Variants in SRPRA observed in about 807,000 individuals in gnomAD.
SRPRA encodes the protein SRP receptor subunit alpha.
In SRPRA, 30 loss-of-function variants were observed where a neutral mutation model predicts 61.1. The ratio of observed to expected loss-of-function variants is 0.49; its 90% CI spans 0.37 to 0.67. The LOEUF (loss-of-function observed/expected upper bound fraction) is 0.67. Among genes scored for constraint, SRPRA ranks in the 30% least tolerant of loss-of-function variants. The pLI is 0.00. For missense variants in SRPRA, 759 were observed against 828.4 expected (o/e 0.92, Z 1.03); for synonymous variants, 324 against 299.7 (o/e 1.08, Z -0.84).
At chr11:126,262,243 T>C (rs755486902), downstream of SRPRA, 186 of 1,228,654 alleles carry the variant, frequency 1.5e-4, no homozygotes, top group Middle Eastern at 3.8e-4. Context: ...AAAGTAACAA[T>C]AGCCAGAGGT....
the SRPRA span, among the ~76,000 whole-genome samples, chr11:126,241,627 G>A: frequency 6.6e-6 from 1 of 151,878 alleles, no homozygotes; most frequent in South Asian, 2.1e-4. Context: ...TCGCCTCATG[G>A]CAGCCTCCGC....
rs1333651957 is a variant in SRPRA at position 126,263,823 on chromosome 11, A to C, written c.*93T>G. ...TCACTCTGCCTTTGTACTACACTGAAGACAGGTTGCTCACATACTCTAAAG... is the reference window on the plus strand; with the variant it reads ...TCACTCTGCCTTTGTACTACACTGACGACAGGTTGCTCACATACTCTAAAG... On this transcript the variant is annotated 3_prime_UTR_variant, in exon 14 of 14. Coordinates refer to ENST00000332118, the MANE Select transcript of SRPRA (RefSeq NM_003139.4). The C allele has an allele frequency of 9.1e-6, 14 of 1,546,274 alleles. No individual in the cohort carries two copies. The highest frequency in any genetic ancestry group is 1.0e-5 in the Non-Finnish European group (12 of 1,143,108).
chr11:126,267,775 C>A lies in SRPRA; in HGVS notation c.202-63G>T. On this transcript the variant is annotated intron_variant, in intron 2 of 13. Coordinates refer to ENST00000332118, the MANE Select transcript of SRPRA (RefSeq NM_003139.4). The surrounding 1 kb of genome is among the most constrained non-coding windows in gnomAD (Gnocchi z 4.2). ...ATACTAGCCTAGAATGGAGGGACGCCAACTCAACCCTGGCTTTCAGAGATA... is the reference window on the plus strand; with the variant it reads ...ATACTAGCCTAGAATGGAGGGACGCAAACTCAACCCTGGCTTTCAGAGATA... 6.3e-7 allele frequency: 1 copy of A among 1,594,132 alleles called. No individual in the cohort carries two copies. Among genetic ancestry groups the A allele is most frequent in the African/African-American group, 1.3e-5 (1 of 74,610 alleles).
the SRPRA span, among the ~76,000 whole-genome samples, chr11:126,247,855 C>T: frequency 7.9e-6 from 1 of 127,052 alleles, no homozygotes; most frequent in Non-Finnish European, 1.6e-5. Flanking sequence ...GAGACTCCAT[C>T]TCAAAAAAAA....
downstream of SRPRA, chr11:126,262,180 A>G (rs766459838): frequency 1.9e-5 from 31 of 1,598,296 alleles, no homozygotes; most frequent in Non-Finnish European, 2.5e-5. Context: ...GTAAGGCCCT[A>G]CTACAGACAG....
downstream of SRPRA, chr11:126,262,076 G>C: frequency 6.2e-7 from 1 of 1,611,984 alleles, no homozygotes; most frequent in Non-Finnish European, 8.5e-7. Context: ...GTATAAACCT[G>C]TTTTGTGAAA....
At chr11:126,261,490 C>T (rs771780788), downstream of SRPRA, 5 of 1,609,776 alleles carry the variant, frequency 3.1e-6, no homozygotes, top group East Asian at 8.9e-5. Context: ...AAGAGGTATA[C>T]TGTTTCCTAT....
chr11:126,244,416 A>G, the SRPRA span, among the ~76,000 whole-genome samples: 1 of 152,246 alleles, frequency 6.6e-6, no homozygotes, highest in African/African-American at 2.4e-5. This position sits in a 1 kb window ranked among gnomAD's most constrained non-coding sequence, Gnocchi z 4.5. Context: ...TAGTATTTTT[A>G]TACACTTGCA....
chr11:126,260,022 TTTTTA>T (rs1292437571), downstream of SRPRA, among the ~76,000 whole-genome samples: 13 of 152,028 alleles, frequency 8.6e-5, no homozygotes, highest in Non-Finnish European at 1.8e-4. Flanking sequence ...GCCAGCTTTA[TTTTTA>T]TTTTATTATT....
At chr11:126,266,455 T>C (rs1950811942) in intron 6 of SRPRA, 21 bp downstream of exon 6, 2 of 1,609,932 alleles carry the variant, frequency 1.2e-6, no homozygotes, top group East Asian at 2.2e-5. Flanking sequence ...AAAGATCACT[T>C]TGACCCCTGT....
chr11:126,264,207 T>C lies in SRPRA; in HGVS notation c.1772A>G (p.Asp591Gly). 1 of 1,614,070 alleles carries C rather than the reference T, an allele frequency of 6.2e-7. No homozygotes were observed. Among genetic ancestry groups the C allele is most frequent in the Non-Finnish European group, 8.5e-7 (1 of 1,179,998 alleles). ...CACGTTTACCTTGTCATCAATGGTA[T>C]CAAATTTGGTAAGAACAATGCCATC... ...LIDGIVLTKF[D>G]TIDDKVGAAI... Residue 591 changes from aspartate (D) to glycine (G), a missense_variant, in exon 13 of 14, where the codon GAT becomes GGT. Around this residue, in one of 2 missense-constraint regions of SRPRA, gnomAD observed 284 missense variants for 365.9 expected, o/e 0.78. Coordinates refer to ENST00000332118, the MANE Select transcript of SRPRA (RefSeq NM_003139.4). This position sits in a 1 kb window ranked among gnomAD's most constrained non-coding sequence, Gnocchi z 5.0.
At chr11:126,241,208 T>G in the SRPRA span, 9 of 677,386 alleles carry the variant, frequency 1.3e-5, no homozygotes, top group East Asian at 2.4e-4. Context: ...AATGTCTGTT[T>G]ATGGACCCTA....
rs559558856 is a variant in SRPRA, at chr11:126,267,532, G to A, written c.365+17C>T. Reference sequence around the variant, plus strand: ...ATCATGGAAATAAATTGATTTTAGAGAAGGCAGGTCTCTCACCGAAGGAGC... The same window carrying A: ...ATCATGGAAATAAATTGATTTTAGAAAAGGCAGGTCTCTCACCGAAGGAGC... On this transcript the variant is annotated intron_variant, in intron 3 of 13. Transcript: ENST00000332118. This position sits in a 1 kb window ranked among gnomAD's most constrained non-coding sequence, Gnocchi z 4.2. 1 of 1,613,046 alleles carries A rather than the reference G, an allele frequency of 6.2e-7. No individual in the cohort carries two copies. Among genetic ancestry groups the A allele is most frequent in the East Asian group, 2.2e-5 (1 of 44,872 alleles).
chr11:126,256,760 G>C, the SRPRA span: 93 of 1,613,902 alleles, frequency 5.8e-5, no homozygotes, highest in Admixed American at 2.0e-4. The surrounding 1 kb of genome is among the most constrained non-coding windows in gnomAD (Gnocchi z 6.6). Flanking sequence ...CTGGACAAGG[G>C]GATTAAAGTC....
At chr11:126,236,103 C>A in the SRPRA span, among the ~76,000 whole-genome samples, 1 of 152,182 alleles carries the variant, frequency 6.6e-6, no homozygotes, top group South Asian at 2.1e-4. Flanking sequence ...TTCTCCAGTC[C>A]TGTTGCGTTC....
chr11:126,265,545 T>C lies in SRPRA; in HGVS notation c.1139-105A>G. On this transcript the variant is annotated intron_variant, in intron 9 of 13. Coordinates refer to ENST00000332118, the MANE Select transcript of SRPRA (RefSeq NM_003139.4). The surrounding 1 kb of genome is among the most constrained non-coding windows in gnomAD (Gnocchi z 6.3). ...AGGGGACTAAAACAGTAAATTAGAC[T>C]CTTGTCCCAGAAATCCAGAACAGAC... The C allele has an allele frequency of 1.5e-6, 2 of 1,356,526 alleles. No individual in the cohort carries two copies. The highest frequency in any genetic ancestry group is 2.0e-6 in the Non-Finnish European group (2 of 994,586). The allele number at this position is 1,356,526 out of a possible 1,614,324, so 84.0% of individuals were successfully genotyped here.
At chr11:126,249,606 C>G in the SRPRA span, among the ~76,000 whole-genome samples, 1 of 152,060 alleles carries the variant, frequency 6.6e-6, no homozygotes, top group Middle Eastern at 3.4e-3. Context: ...TGGCAGGCGC[C>G]TGTAATCCCA....
downstream of SRPRA, chr11:126,261,150 T>TA: frequency 3.9e-6 from 1 of 255,176 alleles, no homozygotes; most frequent in Non-Finnish European, 7.1e-6. Context: ...ATGTTGCCTG[T>TA]ATGTGAAATG....
At chr11:126,241,301 C>T in the SRPRA span, 1 of 355,272 alleles carries the variant, frequency 2.8e-6, no homozygotes, top group Non-Finnish European at 5.0e-6. Context: ...TACAAATTAC[C>T]ACTGTGTTTT....
Sources: allele counts gnomAD v4.1 joint callset (sites outside exome capture counted in the v4.1 genomes callset), GRCh38; gene constraint gnomAD v4.1.1; regional missense constraint gnomAD v4.1.1; non-coding constraint Gnocchi (gnomAD v3.1); transcripts MANE v1.5; gene names NCBI Gene and HGNC (gene_info 2026-07-23, HGNC 2026-07-21).